DYNC2H1: variants seen among roughly 807,000 people sequenced by gnomAD.
DYNC2H1 encodes the protein cytoplasmic dynein 2 heavy chain 1.
DYNC2H1 carries 410 observed loss-of-function variants against 570.0 expected under a neutral mutation model. The ratio of observed to expected loss-of-function variants is 0.72; its 90% CI spans 0.66 to 0.78. The LOEUF is 0.78. Among genes scored for constraint, DYNC2H1 ranks in the 30% least tolerant of loss-of-function variants. The probability of loss-of-function intolerance (pLI) is 0.00; values close to 1 mark genes in which losing one functional copy is unlikely to be tolerated. For missense variants in DYNC2H1, 4,865 were observed against 5,046.4 expected, an observed-to-expected ratio of 0.96 and a Z score of 1.09; for synonymous variants, 1,688 against 1,677.6, an observed-to-expected ratio of 1.01 and a Z score of -0.15.
intron 55 of DYNC2H1, among the ~76,000 whole-genome samples, chr11:103,216,636 G>A (rs1863395467): frequency 6.6e-6 from 1 of 151,840 alleles, no homozygotes; most frequent in African/African-American, 2.4e-5. Context: ...TACAAAAAAA[G>A]TAAAAATTAG....
chr11:103,154,362 C>A, intron 22 of DYNC2H1, 89 bp from the exon 23 acceptor site: 2 of 1,156,250 alleles, frequency 1.7e-6, no homozygotes, highest in Non-Finnish European at 2.4e-6. Flanking sequence ...TACACACATA[C>A]AAGGATTGCA....
At chr11:103,315,630 C>A (rs1355230342) in intron 79 of DYNC2H1, among the ~76,000 whole-genome samples, 3 of 152,046 alleles carry the variant, frequency 2.0e-5, no homozygotes, top group Admixed American at 2.0e-4. Flanking sequence ...TCACCCCTCT[C>A]CCCATTAGGG....
intron 82 of DYNC2H1, among the ~76,000 whole-genome samples, chr11:103,350,767 A>T (rs1454937959): frequency 6.6e-6 from 1 of 152,042 alleles, no homozygotes; most frequent in Non-Finnish European, 1.5e-5. Context: ...ACATGTGCAC[A>T]GAGAGTGAAT....
At chr11:103,379,363 A>C (rs976661901) in intron 83 of DYNC2H1, among the ~76,000 whole-genome samples, 1 of 152,250 alleles carries the variant, frequency 6.6e-6, no homozygotes, top group Non-Finnish European at 1.5e-5. Context: ...AGTATAAACC[A>C]GGGTAACTTT....
chr11:103,415,121 A>G (rs1943235442), intron 84 of DYNC2H1, among the ~76,000 whole-genome samples: 1 of 152,214 alleles, frequency 6.6e-6, no homozygotes, highest in South Asian at 2.1e-4. Context: ...ATATGTAGAA[A>G]GCTGAAACTG....
chr11:103,162,449 TTATA>T (rs1336165655), intron 29 of DYNC2H1, among the ~76,000 whole-genome samples: 8 of 152,194 alleles, frequency 5.3e-5, no homozygotes, highest in Middle Eastern at 3.2e-3. Flanking sequence ...TTTTATTATT[TTATA>T]TATAATCAAG....
intron 12 of DYNC2H1, among the ~76,000 whole-genome samples, chr11:103,127,973 A>G (rs764139000): frequency 2.0e-5 from 3 of 152,230 alleles, no homozygotes; most frequent in African/African-American, 4.8e-5. Context: ...CAGGTTAGGT[A>G]TGCCTTGATG....
chr11:103,417,800 CG>C (rs1209643525), intron 84 of DYNC2H1, among the ~76,000 whole-genome samples: 4 of 151,246 alleles, frequency 2.6e-5, no homozygotes, highest in African/African-American at 7.3e-5. Flanking sequence ...TGCTTGAACC[CG>C]GGAGGCAAAG....
intron 54 of DYNC2H1, among the ~76,000 whole-genome samples, chr11:103,215,308 G>A (rs1863336017): frequency 6.6e-6 from 1 of 152,082 alleles, no homozygotes; most frequent in South Asian, 2.1e-4. Flanking sequence ...ACTTTATTAT[G>A]TTGAGGTATG....
rs374610783 is a variant in DYNC2H1, at chr11:103,233,786, C to T, written c.9441-248C>T. Among the ~76,000 whole-genome samples the T allele has an allele frequency of 7.3e-5, 11 of 150,854 alleles. No homozygotes were observed. In the South Asian group the frequency reaches 1.3e-3, roughly 17 times the overall value. ...AATTTTTATATAATGCAGTACAGCA[C>T]GGAGGCCCTGTCAAGTTTTTTGAGG... is the stretch of plus-strand genomic sequence containing the variant. On this transcript the variant is annotated intron_variant, in intron 60 of 88. Coordinates refer to ENST00000375735, the MANE Select transcript of DYNC2H1 (RefSeq NM_001377.3).
chr11:103,217,916 C>T (rs895319941), intron 55 of DYNC2H1, among the ~76,000 whole-genome samples: 1 of 151,960 alleles, frequency 6.6e-6, no homozygotes, highest in East Asian at 1.9e-4. Flanking sequence ...TTTGAGCAGG[C>T]CATTTATGAA....
Position 103,183,102 on chromosome 11 carries a change from A to G in DYNC2H1, c.6477+1216A>G, listed in dbSNP as rs563694265. Among the ~76,000 whole-genome samples the G allele has an allele frequency of 2.0e-5, 3 of 152,076 alleles. No individual in the cohort carries two copies. In the South Asian group the frequency reaches 6.2e-4, roughly 31 times the overall value. On this transcript the variant is annotated intron_variant, in intron 40 of 88. Transcript: ENST00000375735. Reference sequence around the variant, plus strand: ...TTAAACTATAAGCACCTTGAAGGCAAGGACCAAGCTTATCACACTCTTCAT... The same window carrying G: ...TTAAACTATAAGCACCTTGAAGGCAGGGACCAAGCTTATCACACTCTTCAT...
In DYNC2H1 at chr11:103,203,586, A is replaced by G; in HGVS notation, c.8198-77A>G. ...TTTTTGGAAATAAAGATTGAATAAGAGCAGATTTTTAAATACAAAAATTGA... is the reference window on the plus strand; with the variant it reads ...TTTTTGGAAATAAAGATTGAATAAGGGCAGATTTTTAAATACAAAAATTGA... On this transcript the variant is annotated intron_variant, in intron 50 of 88. Transcript: ENST00000375735. This position sits in a 1 kb window ranked among gnomAD's most constrained non-coding sequence, Gnocchi z 4.7. 1.1e-6 allele frequency: 1 copy of G among 889,050 alleles called. No individual in the cohort carries two copies. The highest frequency in any genetic ancestry group is 1.7e-6 in the Non-Finnish European group (1 of 595,006). 55.1% of individuals were successfully genotyped at this position (889,050 alleles called of 1,614,324 possible).
At position 103,321,203 on chromosome 11, in the gene DYNC2H1, A is replaced by G; in HGVS notation, c.11900A>G (p.Tyr3967Cys). The G allele has an allele frequency of 2.5e-6, 4 of 1,610,604 alleles. No homozygotes were observed. The highest frequency in any genetic ancestry group is 3.4e-6 in the Non-Finnish European group (4 of 1,178,076). Residue 3967 changes from tyrosine (Y) to cysteine (C), a missense_variant, in exon 81 of 89, where the codon TAT (tyrosine) becomes TGT (cysteine). Tyr to Cys is a radical substitution (Grantham distance 194). This residue lies in a region of DYNC2H1 where 2,401 missense variants were observed against 2,454.6 expected (regional missense o/e 0.98). Coordinates refer to ENST00000375735, the MANE Select transcript of DYNC2H1 (RefSeq NM_001377.3). ...NQRNKKSIFP[Y>C]SVSLPQSCSI... Reference sequence around the variant, plus strand: ...AGGAACAAGAAAAGCATTTTTCCATATTCCGTATCTCTACCACAATCCTGC... The same window carrying G: ...AGGAACAAGAAAAGCATTTTTCCATGTTCCGTATCTCTACCACAATCCTGC...
chr11:103,419,252 C>T (rs936977964), intron 84 of DYNC2H1, among the ~76,000 whole-genome samples: 1 of 152,192 alleles, frequency 6.6e-6, no homozygotes, highest in Admixed American at 6.5e-5. Context: ...AAGGGTCCCC[C>T]CTCAATGCAG....
At position 103,234,014 on chromosome 11, in the gene DYNC2H1, A is replaced by T. The variant is rs1233101502; in HGVS notation, c.9441-20A>T. On this transcript the variant is annotated intron_variant, in intron 60 of 88. Transcript: ENST00000375735. ...TCCCAAATCCTTTTTGCTTTTAATT[A>T]AATTTTAATGTTTACATAGATTTCA... 1 of 1,541,554 alleles carries T rather than the reference A, an allele frequency of 6.5e-7. No individual in the cohort carries two copies. The highest frequency in any genetic ancestry group is 8.7e-7 in the Non-Finnish European group (1 of 1,143,000).
At chr11:103,365,061 T>G (rs78901706) in intron 83 of DYNC2H1, among the ~76,000 whole-genome samples, 1 of 152,296 alleles carries the variant, frequency 6.6e-6, no homozygotes, top group Non-Finnish European at 1.5e-5. Flanking sequence ...CATTGGTAAG[T>G]TAGAAATGTG....
At chr11:103,321,271 A>G (rs1335157659) in intron 81 of DYNC2H1, 34 bp downstream of exon 81, 1 of 1,536,478 alleles carries the variant, frequency 6.5e-7, no homozygotes, top group Non-Finnish European at 8.9e-7. Context: ...ATCTATTTCC[A>G]GGTAGATACG....
chr11:103,114,018 T>C, intron 2 of DYNC2H1, 85 bp from the exon 3 acceptor site: 8 of 1,488,116 alleles, frequency 5.4e-6, no homozygotes, highest in Non-Finnish European at 7.2e-6. Context: ...TTAAGAAAAA[T>C]GGGGTTTTGG....
Sources: allele counts gnomAD v4.1 joint callset (sites outside exome capture counted in the v4.1 genomes callset), GRCh38; gene constraint gnomAD v4.1.1; regional missense constraint gnomAD v4.1.1; non-coding constraint Gnocchi (gnomAD v3.1); transcripts MANE v1.5; gene names NCBI Gene and HGNC (gene_info 2026-07-23, HGNC 2026-07-21).